Variants in NRXN3 observed in about 807,000 individuals in gnomAD.
The protein encoded by NRXN3 is neurexin 3.
In NRXN3, 32 loss-of-function variants were observed where a neutral mutation model predicts 137.6. That is an observed-to-expected ratio of 0.23 (90% CI 0.18 to 0.31). The LOEUF is 0.31. NRXN3 is among the 10% of genes least tolerant of loss of function. The pLI, the probability that NRXN3 is intolerant of heterozygous loss-of-function variation, is 1.00. For missense variants in NRXN3, 1,574 were observed against 2,062.5 expected, an observed-to-expected ratio of 0.76 and a Z score of 4.59; for synonymous variants, 798 against 784.5, an observed-to-expected ratio of 1.02 and a Z score of -0.29.
intron 2 of NRXN3, among the ~76,000 whole-genome samples, chr14:78,262,727 A>G (rs544590442): frequency 6.6e-6 from 1 of 152,284 alleles, no homozygotes; most frequent in Non-Finnish European, 1.5e-5. Context: ...GTTGCCAGGG[A>G]CATTTATGTT....
At chr14:79,557,238 C>T (rs916820799) in intron 16 of NRXN3, among the ~76,000 whole-genome samples, 2 of 151,610 alleles carry the variant, frequency 1.3e-5, no homozygotes, top group African/African-American at 4.8e-5. Context: ...CTGTCTGTCC[C>T]TGTATTAATA....
chr14:78,701,958 G>T (rs571678193), intron 6 of NRXN3, among the ~76,000 whole-genome samples: 1 of 152,194 alleles, frequency 6.6e-6, no homozygotes, highest in Non-Finnish European at 1.5e-5. Flanking sequence ...GGGACTATGA[G>T]CCCCAGGTTG....
At chr14:79,582,948 T>C (rs1283478667) in intron 16 of NRXN3, among the ~76,000 whole-genome samples, 1 of 152,220 alleles carries the variant, frequency 6.6e-6, no homozygotes, top group Non-Finnish European at 1.5e-5. Flanking sequence ...CCTGACAAGT[T>C]AGTCTTAGGT....
intron 6 of NRXN3, among the ~76,000 whole-genome samples, chr14:78,675,602 G>A (rs1214745621): frequency 6.6e-6 from 1 of 152,134 alleles, no homozygotes; most frequent in African/African-American, 2.4e-5. Flanking sequence ...AAATACCTTA[G>A]GGAAATTACA....
intron 19 of NRXN3, among the ~76,000 whole-genome samples, chr14:79,701,669 G>T (rs566836660): frequency 1.2e-4 from 19 of 152,006 alleles, no homozygotes; most frequent in Non-Finnish European, 2.6e-4. Context: ...AGTGTCACTT[G>T]TACAATATGC....
chr14:78,316,048 T>A (rs576118066), intron 4 of NRXN3, among the ~76,000 whole-genome samples: 91 of 152,220 alleles, frequency 6.0e-4, no homozygotes, highest in Non-Finnish European at 1.2e-3. Context: ...TTGGAATGGA[T>A]GTCAGAGTGT....
chr14:78,378,236 G>A (rs1270049964), intron 4 of NRXN3, among the ~76,000 whole-genome samples: 1 of 152,186 alleles, frequency 6.6e-6, no homozygotes, highest in Non-Finnish European at 1.5e-5. Flanking sequence ...TATAATCCCA[G>A]CACTTTGGGA....
chr14:78,253,078 T>C (rs2068906004), intron 2 of NRXN3, among the ~76,000 whole-genome samples: 1 of 151,400 alleles, frequency 6.6e-6, no homozygotes, highest in East Asian at 2.0e-4. Flanking sequence ...AGCTCTGACC[T>C]GTGGAATCCT....
chr14:78,874,435 G>C (rs1308110723), intron 10 of NRXN3, among the ~76,000 whole-genome samples: 1 of 152,074 alleles, frequency 6.6e-6, no homozygotes, highest in Non-Finnish European at 1.5e-5. Flanking sequence ...AGTCAGATTT[G>C]GGAACTATCA....
chr14:79,250,258 A>G (rs1480296434), intron 15 of NRXN3, among the ~76,000 whole-genome samples: 1 of 152,168 alleles, frequency 6.6e-6, no homozygotes, highest in African/African-American at 2.4e-5. Context: ...GACTACAGAG[A>G]CTAGGCAATG....
intron 15 of NRXN3, among the ~76,000 whole-genome samples, chr14:79,073,219 T>C (rs1330086183): frequency 3.9e-5 from 6 of 152,146 alleles, no homozygotes; most frequent in African/African-American, 1.2e-4. Flanking sequence ...CTAAAAGTCA[T>C]GCTACTGCAA....
intron 15 of NRXN3, among the ~76,000 whole-genome samples, chr14:79,192,277 A>C (rs1019854085): frequency 3.9e-5 from 6 of 152,222 alleles, no homozygotes; most frequent in African/African-American, 1.4e-4. Flanking sequence ...AGTAGGAATA[A>C]TAATAGTGCC....
At chr14:79,807,613 C>A (rs2099213199) in intron 20 of NRXN3, among the ~76,000 whole-genome samples, 1 of 152,130 alleles carries the variant, frequency 6.6e-6, no homozygotes, top group Non-Finnish European at 1.5e-5. Flanking sequence ...ACCAACATTT[C>A]TTGAATAACA....
chr14:78,823,655 T>A (rs1441900218), intron 10 of NRXN3, among the ~76,000 whole-genome samples: 1 of 152,192 alleles, frequency 6.6e-6, no homozygotes, highest in Non-Finnish European at 1.5e-5. Flanking sequence ...AAGCATAGCC[T>A]CTGGCAAAAG....
chr14:78,857,400 G>A (rs1414186766), intron 10 of NRXN3, among the ~76,000 whole-genome samples: 1 of 152,174 alleles, frequency 6.6e-6, no homozygotes, highest in Non-Finnish European at 1.5e-5. Context: ...AAGCATGGAA[G>A]CTGTAGAGCC....
rs754141401 is a variant in NRXN3, at chr14:78,943,610, T to TAAAAAAAA, written c.2276-13627_2276-13620dup. On this transcript the variant is annotated intron_variant, in intron 10 of 20. Transcript: ENST00000335750. ...TTGAGAAAAGAAGCAAGATCACTGTTAAAAAAAAAAAATATATATATATAT... is the reference window on the plus strand; with the variant it reads ...TTGAGAAAAGAAGCAAGATCACTGTTAAAAAAAAAAAAAAAAAAAATATATATATATAT... Among the ~76,000 whole-genome samples the TAAAAAAAA allele has an allele frequency of 5.6e-4, 16 of 28,760 alleles. 1 individual carries two copies. The highest frequency in any genetic ancestry group is 1.7e-3 in the South Asian group (1 of 576). The allele number at this position is 28,760 out of a possible 152,430, so 18.9% of individuals were successfully genotyped here.
intron 15 of NRXN3, among the ~76,000 whole-genome samples, chr14:79,141,649 A>G (rs1371776628): frequency 2.0e-5 from 3 of 152,184 alleles, no homozygotes; most frequent in Non-Finnish European, 4.4e-5. Flanking sequence ...CAGTATCAAC[A>G]TTTAAAAGTA....
intron 20 of NRXN3, among the ~76,000 whole-genome samples, chr14:79,831,037 T>C (rs1391921222): frequency 6.6e-6 from 1 of 151,534 alleles, no homozygotes. Context: ...CGTGTTGACA[T>C]GAGGTCTTTA....
intron 17 of NRXN3, among the ~76,000 whole-genome samples, chr14:79,670,343 G>C (rs2098600164): frequency 6.6e-6 from 1 of 152,056 alleles, no homozygotes; most frequent in African/African-American, 2.4e-5. Context: ...ATTAAAGGGT[G>C]ATGATTAAGC....
Sources: allele counts gnomAD v4.1 joint callset (sites outside exome capture counted in the v4.1 genomes callset), GRCh38; gene constraint gnomAD v4.1.1; transcripts MANE v1.5; gene names NCBI Gene and HGNC (gene_info 2026-07-23, HGNC 2026-07-21).